The following PPM1E variants were observed in gnomAD, a reference collection of about 807,000 sequenced individuals.
PPM1E encodes the protein protein phosphatase 1E.
PPM1E carries 20 observed loss-of-function variants against 65.9 expected under a neutral mutation model. That is an observed-to-expected ratio of 0.30 (90% CI 0.21 to 0.44). The LOEUF (loss-of-function observed/expected upper bound fraction) is 0.44, where lower values mean the gene tolerates loss of function less well. Ranked by LOEUF, PPM1E falls within the 20% of genes least tolerant of loss-of-function variation. PPM1E has a pLI of 1.00. For missense variants in PPM1E, 713 were observed against 953.1 expected (o/e 0.75, Z 3.32); for synonymous variants, 352 against 374.9 (o/e 0.94, Z 0.70).
chr17:58,776,227 TGAGATAG>T (rs1267989828), intron 1 of PPM1E, among the ~76,000 whole-genome samples: 1 of 151,832 alleles, frequency 6.6e-6, no homozygotes, highest in Non-Finnish European at 1.5e-5. Context: ...CTTAGGAGGC[TGAGATAG>T]GAGGATCCCT....
At chr17:58,949,211 T>C (rs577508699) in intron 1 of PPM1E, among the ~76,000 whole-genome samples, 118 of 152,308 alleles carry the variant, frequency 7.7e-4, no homozygotes, top group Non-Finnish European at 1.1e-3. Context: ...ACAATTGTTA[T>C]AGCTTCTTGA....
chr17:58,948,526 A>G lies in PPM1E; in HGVS notation c.465-7123A>G, dbSNP rs913053261. On this transcript the variant is annotated intron_variant, in intron 1 of 6. Transcript: ENST00000308249. ...TTTTATGTTTATCAAAGTGTATACT[A>G]TATTAGATCATTTGTGTACCAGTAG... Among the ~76,000 whole-genome samples, 3 of 152,230 alleles carry G rather than the reference A, an allele frequency of 2.0e-5. No homozygotes were observed. In the East Asian group the frequency reaches 5.8e-4, roughly 29 times the overall value.
At chr17:58,900,606 TGCAATATTTTTATTTTGCAATAAA>T (rs1378325498) in intron 1 of PPM1E, among the ~76,000 whole-genome samples, 1 of 152,328 alleles carries the variant, frequency 6.6e-6, no homozygotes, top group East Asian at 1.9e-4. Context: ...CTCACTTTAT[TGCAATATTTTTATTTTGCAATAAA>T]GCAATATTTG....
chr17:58,756,375 G>A lies in PPM1E; in HGVS notation c.378G>A (p.Pro126=). 3 of 1,373,786 alleles carry A rather than the reference G, an allele frequency of 2.2e-6. No homozygotes were observed. The highest frequency in any genetic ancestry group is 2.8e-6 in the Non-Finnish European group (3 of 1,065,534). The allele number at this position is 1,373,786 out of a possible 1,614,324, so 85.1% of individuals were successfully genotyped here. The change falls in exon 1 of 7, where the codon CCG becomes CCA. Residue 126 remains proline, a synonymous_variant. Coordinates refer to ENST00000308249, the MANE Select transcript of PPM1E (RefSeq NM_014906.5). ...PPPPQLPPLP[P]LPRPLSERIT... is the part of the protein sequence containing the mutation. ...CGCCCCAGCTGCCGCCTTTGCCCCCGCTCCCGCGACCGCTGTCAGAGCGCA... is the reference window on the plus strand; with the variant it reads ...CGCCCCAGCTGCCGCCTTTGCCCCCACTCCCGCGACCGCTGTCAGAGCGCA...
At chr17:58,765,950 G>T (rs1167948131) in intron 1 of PPM1E, among the ~76,000 whole-genome samples, 1 of 148,190 alleles carries the variant, frequency 6.7e-6, no homozygotes, top group East Asian at 2.0e-4. Flanking sequence ...GCCCAGTCTC[G>T]GCGCACTGCA....
chr17:58,761,917 T>A (rs2049825082), intron 1 of PPM1E, among the ~76,000 whole-genome samples: 1 of 152,238 alleles, frequency 6.6e-6, no homozygotes. Flanking sequence ...ATCTGTTTAT[T>A]TGTGTATAAC....
chr17:58,810,802 G>C (rs1468467161), intron 1 of PPM1E, among the ~76,000 whole-genome samples: 1 of 152,002 alleles, frequency 6.6e-6, no homozygotes, highest in Non-Finnish European at 1.5e-5. Flanking sequence ...GTATTTTTCT[G>C]TCGTAGTTAT....
intron 1 of PPM1E, among the ~76,000 whole-genome samples, chr17:58,864,647 A>C (rs2050979509): frequency 6.6e-6 from 1 of 151,048 alleles, no homozygotes; most frequent in Non-Finnish European, 1.5e-5. Context: ...CTCAAAGAAA[A>C]AAAATGATGG....
intron 1 of PPM1E, among the ~76,000 whole-genome samples, chr17:58,874,971 C>G (rs1360706597): frequency 6.6e-6 from 1 of 152,060 alleles, no homozygotes; most frequent in African/African-American, 2.4e-5. Context: ...CATTTTCTGT[C>G]CCCTTTCTTC....
intron 1 of PPM1E, among the ~76,000 whole-genome samples, chr17:58,832,077 T>C (rs1456263800): frequency 6.6e-6 from 1 of 152,192 alleles, no homozygotes; most frequent in African/African-American, 2.4e-5. Context: ...ATTCTACACC[T>C]TAGAGTATTC....
intron 1 of PPM1E, among the ~76,000 whole-genome samples, chr17:58,929,899 C>T (rs1225662483): frequency 6.6e-6 from 1 of 152,066 alleles, no homozygotes; most frequent in Non-Finnish European, 1.5e-5. Context: ...GGGAAGTTAG[C>T]TTGTTTATTC....
intron 1 of PPM1E, among the ~76,000 whole-genome samples, chr17:58,799,335 AG>A (rs1372697643): frequency 2.0e-5 from 3 of 151,854 alleles, no homozygotes; most frequent in Admixed American, 2.0e-4. Flanking sequence ...GCTGGAGTGC[AG>A]TGGCGCCGTC....
intron 1 of PPM1E, among the ~76,000 whole-genome samples, chr17:58,928,900 C>T (rs561391831): frequency 1.3e-5 from 2 of 152,078 alleles, no homozygotes; most frequent in South Asian, 4.2e-4. Flanking sequence ...GACGAGGTTT[C>T]ATCATGTTGG....
Position 58,756,043 on chromosome 17 carries a change from G to C in PPM1E, c.46G>C (p.Glu16Gln). 1 of 1,614,026 alleles carries C rather than the reference G, an allele frequency of 6.2e-7. No individual in the cohort carries two copies. The highest frequency in any genetic ancestry group is 8.5e-7 in the Non-Finnish European group (1 of 1,179,932). ...GGAGAAAACTTACCGGCGCTTCCTG[G>C]AGCTATTCCTGGGCGAGTTTCGCGG... ...PEEKTYRRFL[E>Q]LFLGEFRGPC... Residue 16 changes from glutamate to glutamine, a missense_variant, in exon 1 of 7, where the codon GAG (glutamate) becomes CAG (glutamine). Glu to Gln is a conservative substitution (Grantham distance 29, BLOSUM62 2). Transcript: ENST00000308249.
chr17:58,807,484 A>G (rs764881675), intron 1 of PPM1E, among the ~76,000 whole-genome samples: 15 of 152,180 alleles, frequency 9.9e-5, no homozygotes, highest in Non-Finnish European at 1.9e-4. Context: ...AAGGTGAGAA[A>G]ATGTTCTGGA....
chr17:58,963,752 A>T (rs1419940255), intron 2 of PPM1E, among the ~76,000 whole-genome samples: 3 of 151,652 alleles, frequency 2.0e-5, no homozygotes, highest in African/African-American at 7.3e-5. Flanking sequence ...AGCCAGGGGT[A>T]TTAGCAGGCA....
intron 1 of PPM1E, among the ~76,000 whole-genome samples, chr17:58,795,806 CAT>C (rs758385825): frequency 5.3e-5 from 8 of 152,154 alleles, no homozygotes; most frequent in Non-Finnish European, 7.4e-5. Context: ...AGTATTTTTT[CAT>C]ATGTTTGCTG....
At chr17:58,916,618 C>T (rs562252382) in intron 1 of PPM1E, among the ~76,000 whole-genome samples, 4 of 151,388 alleles carry the variant, frequency 2.6e-5, no homozygotes, top group African/African-American at 9.7e-5. Context: ...AGAGCGAGAC[C>T]CTATCTCAAA....
intron 1 of PPM1E, among the ~76,000 whole-genome samples, chr17:58,823,262 A>G (rs945240690): frequency 6.6e-6 from 1 of 152,178 alleles, no homozygotes; most frequent in African/African-American, 2.4e-5. Flanking sequence ...GGCATTTCTC[A>G]TAAATTTTTC....
Sources: gnomAD v4.1 joint callset for allele counts (sites outside exome capture counted in the v4.1 genomes callset) on GRCh38, gnomAD v4.1.1 for gene constraint, MANE v1.5 for transcripts, NCBI Gene and HGNC (gene_info 2026-07-23, HGNC 2026-07-21) for gene names.